Variants in MGAT4C observed in about 807,000 individuals in gnomAD.
MGAT4C encodes MGAT4 family member C, also known as alpha-1,3-mannosyl-glycoprotein 4-beta-N-acetylglucosaminyltransferase C.
MGAT4C carries 19 observed loss-of-function variants against 40.1 expected under a neutral mutation model. The ratio of observed to expected loss-of-function variants is 0.47; its 90% CI spans 0.33 to 0.70. MGAT4C has a LOEUF of 0.70. Among genes scored for constraint, MGAT4C ranks in the 30% least tolerant of loss-of-function variants. The probability of loss-of-function intolerance (pLI) is 0.02; values close to 1 mark genes in which losing one functional copy is unlikely to be tolerated. For missense variants in MGAT4C, 491 were observed against 563.2 expected (o/e 0.87, Z 1.30); for synonymous variants, 181 against 187.1 (o/e 0.97, Z 0.27).
chr12:86,510,027 T>A (rs561452114), intron 2 of MGAT4C, among the ~76,000 whole-genome samples: 1 of 152,312 alleles, frequency 6.6e-6, no homozygotes, highest in Admixed American at 6.5e-5. Flanking sequence ...TTTGACTTCC[T>A]CTTTTCCTGA....
At chr12:86,132,084 A>G (rs537416057) in intron 1 of MGAT4C, among the ~76,000 whole-genome samples, 1 of 152,250 alleles carries the variant, frequency 6.6e-6, no homozygotes, top group African/African-American at 2.4e-5. Flanking sequence ...CTTTTTTAGG[A>G]TCTACCAGTC....
intron 1 of MGAT4C, among the ~76,000 whole-genome samples, chr12:86,141,700 C>A (rs75751522): frequency 0.07 from 10,626 of 152,008 alleles, 614 homozygotes; most frequent in African/African-American, 0.16. Flanking sequence ...ACCTAATGTT[C>A]AAGTTTAGCT....
chr12:86,505,272 A>T (rs554232156), intron 2 of MGAT4C, among the ~76,000 whole-genome samples: 176 of 152,306 alleles, frequency 1.2e-3, no homozygotes, highest in Middle Eastern at 6.8e-3. Context: ...AGCCATAATA[A>T]ACTATGTAAG....
intron 2 of MGAT4C, among the ~76,000 whole-genome samples, chr12:86,003,187 T>G (rs1887527849): frequency 6.6e-6 from 1 of 152,192 alleles, no homozygotes; most frequent in Non-Finnish European, 1.5e-5. Flanking sequence ...AGAAACTAAT[T>G]CAAATGCTTT....
At chr12:86,217,372 C>T (rs1950713306) in intron 1 of MGAT4C, among the ~76,000 whole-genome samples, 2 of 152,080 alleles carry the variant, frequency 1.3e-5, no homozygotes, top group South Asian at 4.2e-4. Context: ...GACGTGGTTT[C>T]ACCATGTTGG....
At chr12:86,221,167 G>A (rs1376995522) in intron 1 of MGAT4C, among the ~76,000 whole-genome samples, 1 of 152,038 alleles carries the variant, frequency 6.6e-6, no homozygotes, top group African/African-American at 2.4e-5. Flanking sequence ...TTCCTCTTCT[G>A]GCTCTTTGTT....
chr12:86,166,567 G>C (rs1413618765), intron 1 of MGAT4C, among the ~76,000 whole-genome samples: 2 of 152,140 alleles, frequency 1.3e-5, no homozygotes, highest in Non-Finnish European at 2.9e-5. Flanking sequence ...AGCTACTCGG[G>C]AGGCTGAGGC....
rs1024621062 is a variant in MGAT4C at position 86,386,337 on chromosome 12, T to C, written c.-120+48820A>G. 1.2e-4 allele frequency among the ~76,000 whole-genome samples: 19 copies of C among 152,086 alleles called. 1 individual carries two copies. Among genetic ancestry groups the C allele is most frequent in the African/African-American group, 4.1e-4 (17 of 41,420 alleles). On this transcript the variant is annotated intron_variant, in intron 3 of 7. Coordinates refer to the MGAT4C transcript ENST00000548651. ...CACCAGTCTTTACAGAGAAGAGTAGTGTGTTTGCTTACCTCCTCCCACTAG... is the reference window on the plus strand; with the variant it reads ...CACCAGTCTTTACAGAGAAGAGTAGCGTGTTTGCTTACCTCCTCCCACTAG...
chr12:86,010,337 A>C (rs1888331875), intron 2 of MGAT4C, among the ~76,000 whole-genome samples: 1 of 152,288 alleles, frequency 6.6e-6, no homozygotes, highest in Non-Finnish European at 1.5e-5. Flanking sequence ...ATATAAGAAA[A>C]ATATCTGCAA....
chr12:86,162,238 T>C (rs183444869), intron 1 of MGAT4C, among the ~76,000 whole-genome samples: 1 of 152,200 alleles, frequency 6.6e-6, no homozygotes, highest in East Asian at 1.9e-4. Context: ...AGACATGAAA[T>C]CAACCCAGGT....
intron 3 of MGAT4C, among the ~76,000 whole-genome samples, chr12:86,393,042 A>G (rs529983634): frequency 9.2e-4 from 140 of 152,300 alleles, no homozygotes; most frequent in Middle Eastern, 3.4e-3. Context: ...AATTAAAACA[A>G]AGCTTAGAAG....
At chr12:86,572,016 T>C (rs1592999232) in intron 2 of MGAT4C, among the ~76,000 whole-genome samples, 1 of 152,236 alleles carries the variant, frequency 6.6e-6, no homozygotes, top group Admixed American at 6.6e-5. Flanking sequence ...CGATAATTTG[T>C]GGTAGTTTAT....
chr12:86,616,766 C>A (rs986884203), intron 2 of MGAT4C, among the ~76,000 whole-genome samples: 5 of 151,100 alleles, frequency 3.3e-5, no homozygotes, highest in African/African-American at 1.2e-4. Context: ...TTTGTCACAA[C>A]CTTTGGACAA....
At chr12:86,097,647 T>A (rs1874187963) in intron 1 of MGAT4C, among the ~76,000 whole-genome samples, 1 of 151,648 alleles carries the variant, frequency 6.6e-6, no homozygotes, top group African/African-American at 2.4e-5. Flanking sequence ...TTTCAGCATT[T>A]GCTTATCAGA....
At chr12:86,373,883 C>G (rs1955771109) in intron 3 of MGAT4C, among the ~76,000 whole-genome samples, 2 of 151,998 alleles carry the variant, frequency 1.3e-5, no homozygotes, top group East Asian at 3.9e-4. Context: ...ACATCTTGCT[C>G]TTAATTTATT....
chr12:86,785,806 T>C (rs1328515731), intron 1 of MGAT4C, among the ~76,000 whole-genome samples: 1 of 151,420 alleles, frequency 6.6e-6, no homozygotes, highest in Non-Finnish European at 1.5e-5. Flanking sequence ...TAATATAACA[T>C]AATAATCTTT....
intron 2 of MGAT4C, among the ~76,000 whole-genome samples, chr12:86,548,310 G>A (rs1376957843): frequency 1.3e-5 from 2 of 151,966 alleles, no homozygotes; most frequent in East Asian, 1.9e-4. Context: ...AAAACATGAG[G>A]TGCTCATTTA....
chr12:86,102,948 G>A (rs892599978), intron 1 of MGAT4C, among the ~76,000 whole-genome samples: 5 of 151,992 alleles, frequency 3.3e-5, no homozygotes, highest in Non-Finnish European at 7.4e-5. Context: ...TTTTGCAATT[G>A]CTTATATTGG....
chr12:85,956,701 G>A lies in MGAT4C; in HGVS notation c.*22588C>T, dbSNP rs1361388452. 6.6e-6 allele frequency: 1 copy of A among 152,150 alleles called. No individual in the cohort carries two copies. The highest frequency in any genetic ancestry group is 1.5e-5 in the Non-Finnish European group (1 of 68,028). The allele number at this position is 152,150 out of a possible 1,614,324, so 9.4% of individuals were successfully genotyped here. A position where few individuals can be genotyped will look rare whatever the true frequency, so the allele number is the denominator to read the frequency against. ...CTACAGTGGGAAAACCACATAATTA[G>A]TCAATAAATCATGAGCCCAAAGTCT... On this transcript the variant is annotated 3_prime_UTR_variant, in exon 5 of 5. Coordinates refer to ENST00000611864, the MANE Select transcript of MGAT4C (RefSeq NM_001351288.2).
Sources: gnomAD v4.1 joint callset for allele counts (sites outside exome capture counted in the v4.1 genomes callset) on GRCh38, gnomAD v4.1.1 for gene constraint, MANE v1.5 for transcripts, NCBI Gene and HGNC (gene_info 2026-07-23, HGNC 2026-07-21) for gene names.